DSN1: variants seen among roughly 807,000 people sequenced by gnomAD.
DSN1 encodes the protein kinetochore-associated protein DSN1 homolog.
Under a neutral mutation model 45.7 loss-of-function variants are expected in DSN1, and 31 were observed. The ratio of observed to expected loss-of-function variants is 0.68; its 90% CI spans 0.51 to 0.92. The LOEUF is 0.92. DSN1 is among the 40% of genes least tolerant of loss of function. The pLI, the probability that DSN1 is intolerant of heterozygous loss-of-function variation, is 0.00. For synonymous variants in DSN1, 134 were observed against 142.3 expected, an observed-to-expected ratio of 0.94 and a Z score of 0.41; for missense variants, 394 against 414.2, an observed-to-expected ratio of 0.95 and a Z score of 0.42.
At position 36,758,419 on chromosome 20, in the gene DSN1, T is replaced by C. The variant is rs1568690057; in HGVS notation, c.650+139A>G. The C allele has an allele frequency of 3.6e-5, 27 of 745,590 alleles. No individual in the cohort carries two copies. The East Asian group carries it at 6.5e-4, about 18-fold the overall frequency. The allele number at this position is 745,590 out of a possible 1,614,324, so 46.2% of individuals were successfully genotyped here. On this transcript the variant is annotated intron_variant, in intron 7 of 10. Transcript: ENST00000373750. ...TTAGTAGAGTCCATAAAAATCTCAA[T>C]ATGCAGCCTTCTAACTTCTAGTATT...
intron 5 of DSN1, among the ~76,000 whole-genome samples, chr20:36,764,492 C>T (rs927964024): frequency 1.3e-5 from 2 of 152,112 alleles, no homozygotes; most frequent in African/African-American, 4.8e-5. Context: ...TGTATATTTA[C>T]ACTATTAGCA....
At chr20:36,756,920 C>G (rs999510055) in intron 8 of DSN1, among the ~76,000 whole-genome samples, 2 of 152,144 alleles carry the variant, frequency 1.3e-5, no homozygotes, top group African/African-American at 4.8e-5. Flanking sequence ...TTTTTCAAAC[C>G]ATGCTCCTCA....
intron 6 of DSN1, among the ~76,000 whole-genome samples, chr20:36,758,925 G>A (rs1986822034): frequency 6.6e-6 from 1 of 151,580 alleles, no homozygotes; most frequent in South Asian, 2.1e-4. Context: ...GACCTCAGGT[G>A]ATCCGCCCGC....
chr20:36,769,509 A>G (rs537394417), intron 3 of DSN1, among the ~76,000 whole-genome samples: 1 of 152,324 alleles, frequency 6.6e-6, no homozygotes, highest in Admixed American at 6.5e-5. Context: ...TAGGGACTAA[A>G]GTACATGGGC....
Position 36,754,807 on chromosome 20 carries a change from A to C in DSN1, c.917T>G (p.Met306Arg). The C allele has an allele frequency of 6.2e-7, 1 of 1,613,944 alleles. No homozygotes were observed. Among genetic ancestry groups the C allele is most frequent in the South Asian group, 1.1e-5 (1 of 91,076 alleles). The change falls in exon 10 of 11, where the codon ATG becomes AGG. Residue 306 changes from methionine to arginine, a missense_variant. Coordinates refer to ENST00000373750, the MANE Select transcript of DSN1 (RefSeq NM_001145315.2). ...CTGGAAGCACTGGGTACTTTCATCC[A>C]TAAAGGCCTGCAGCTGTTTCACTGA... ...QGSVKQLQAFMDESTQCFQKV... is the reference protein window; with the variant it reads ...QGSVKQLQAFRDESTQCFQKV...
Position 36,768,923 on chromosome 20 carries a change from T to C in DSN1, c.356-881A>G, listed in dbSNP as rs1391717412. ...CTGCCTCTCTATAATGACCTCATAA[T>C]AGCATTAATAACTAACATTTGTTGA... On this transcript the variant is annotated intron_variant, in intron 3 of 10. Transcript: ENST00000373750. Among the ~76,000 whole-genome samples the C allele has an allele frequency of 3.3e-5, 5 of 152,222 alleles. No individual in the cohort carries two copies. In the East Asian group the frequency reaches 9.6e-4, roughly 29 times the overall value.
intron 5 of DSN1, among the ~76,000 whole-genome samples, chr20:36,766,333 C>T (rs184664433): frequency 6.6e-6 from 1 of 151,974 alleles, no homozygotes; most frequent in East Asian, 1.9e-4. Context: ...TTTCCACTTT[C>T]ACACTTCCTT....
Position 36,754,006 on chromosome 20 carries a change from C to CA in DSN1, c.961+756dup, listed in dbSNP as rs1004399383. On this transcript the variant is annotated intron_variant, in intron 10 of 10. Coordinates refer to ENST00000373750, the MANE Select transcript of DSN1 (RefSeq NM_001145315.2). The stretch of plus-strand genomic sequence containing the variant: ...GGGCAACAAGAGTGAAACTCCGTCT[C>CA]AAAAAAAAAAACAAACAAAAAAACC... Among the ~76,000 whole-genome samples the CA allele has an allele frequency of 5.1e-3, 696 of 136,252 alleles. 2 individuals carry two copies. The highest frequency in any genetic ancestry group is 0.014 in the African/African-American group (537 of 37,146). 89.4% of individuals were successfully genotyped at this position (136,252 alleles called of 152,430 possible).
chr20:36,763,577 C>T (rs1337463030), intron 5 of DSN1, among the ~76,000 whole-genome samples: 2 of 151,508 alleles, frequency 1.3e-5, no homozygotes, highest in African/African-American at 4.8e-5. Flanking sequence ...TAGTGAAACC[C>T]CATCTCTTTA....
rs777524503 is a variant in DSN1 at position 36,767,973 on chromosome 20, A to G, written c.425T>C (p.Phe142Ser). Reference protein sequence around the residue: ...KRLGCLLLSSFQFSIQKLEPF... With the variant: ...KRLGCLLLSSSQFSIQKLEPF... ...TCCTAGTTATAAGAACCTTACCTGGAAACTGGAAAGCAGGAGACAGCCAAG... is the reference window on the plus strand; with the variant it reads ...TCCTAGTTATAAGAACCTTACCTGGGAACTGGAAAGCAGGAGACAGCCAAG... The change falls in exon 4 of 11, where the codon TTC becomes TCC. Residue 142 changes from phenylalanine to serine, a missense_variant. By Grantham distance (155) the Phe-to-Ser change is radical (BLOSUM62 -2). Coordinates refer to ENST00000373750, the MANE Select transcript of DSN1 (RefSeq NM_001145315.2). 6.2e-7 allele frequency: 1 copy of G among 1,614,080 alleles called. No individual in the cohort carries two copies. The highest frequency in any genetic ancestry group is 1.7e-5 in the Admixed American group (1 of 60,004).
Position 36,773,395 on chromosome 20 carries a change from CCT to C in DSN1, c.-16+265_-16+266del, listed in dbSNP as rs570245132. 341 of 985,548 alleles carry C rather than the reference CCT, an allele frequency of 3.5e-4. No individual in the cohort carries two copies. The African/African-American group carries it at 4.6e-3, about 13-fold the overall frequency. 61.1% of individuals were successfully genotyped at this position (985,548 alleles called of 1,614,324 possible). ...CCCAGCCCTCTACCCAGTCCTCACCCCTGTTTCTGGAGCCTAGACCCCTGGCA... is the reference window on the plus strand; with the variant it reads ...CCCAGCCCTCTACCCAGTCCTCACCCGTTTCTGGAGCCTAGACCCCTGGCA... On this transcript the variant is annotated intron_variant, in intron 1 of 10. Coordinates refer to ENST00000373750, the MANE Select transcript of DSN1 (RefSeq NM_001145315.2).
chr20:36,772,019 T>G (rs1987675462), intron 1 of DSN1, among the ~76,000 whole-genome samples: 1 of 152,160 alleles, frequency 6.6e-6, no homozygotes, highest in African/African-American at 2.4e-5. Context: ...TAGCTGGGAT[T>G]ACAGGAATGC....
chr20:36,772,105 T>G (rs978169167), intron 1 of DSN1, among the ~76,000 whole-genome samples: 3 of 151,810 alleles, frequency 2.0e-5, no homozygotes, highest in Non-Finnish European at 4.4e-5. Context: ...GGTCTCAAAC[T>G]CCTGGCCTCA....
In DSN1 at chr20:36,762,506, A is replaced by G. The variant is rs1457367744; in HGVS notation, c.545T>C (p.Leu182Pro). 3.1e-6 allele frequency: 5 copies of G among 1,613,944 alleles called. No homozygotes were observed. In the Admixed American group the frequency reaches 5.0e-5, roughly 16 times the overall value. The change falls in exon 6 of 11, where the codon CTG becomes CCG. Residue 182 changes from leucine (L) to proline (P), a missense_variant. By Grantham distance (98) the Leu-to-Pro change is moderately conservative (BLOSUM62 -3). Transcript: ENST00000373750. ...SEELKHFADG[L>P]ETDGTLQKCF... is the part of the protein sequence containing the mutation. ...TTTTTGTAGAGTTCCATCAGTTTCCAGTCCGTCTGCAAAATGTTTCAATTC... is the reference window on the plus strand; with the variant it reads ...TTTTTGTAGAGTTCCATCAGTTTCCGGTCCGTCTGCAAAATGTTTCAATTC...
At chr20:36,756,139 C>T (rs1222857740) in intron 8 of DSN1, among the ~76,000 whole-genome samples, 1 of 152,044 alleles carries the variant, frequency 6.6e-6, no homozygotes, top group African/African-American at 2.4e-5. Context: ...TGCCACCATG[C>T]CCAGCTAATT....
rs771144324 is a variant in DSN1 at position 36,754,843 on chromosome 20, T to C, written c.881A>G (p.Glu294Gly). 4 of 1,613,798 alleles carry C rather than the reference T, an allele frequency of 2.5e-6. No individual in the cohort carries two copies. The highest frequency in any genetic ancestry group is 2.5e-6 in the Non-Finnish European group (3 of 1,179,792). Reference protein sequence around the residue: ...VFDCMELVMDELQGSVKQLQA... With the variant: ...VFDCMELVMDGLQGSVKQLQA... The stretch of plus-strand genomic sequence containing the variant: ...CAGCTGTTTCACTGATCCTTGCAGT[T>C]CATCCATCTGTAGAAAAAAGACAGC... Residue 294 changes from glutamate to glycine, a missense_variant, in exon 10 of 11, where the codon GAA becomes GGA. By Grantham distance (98) the Glu-to-Gly change is moderately conservative. Transcript: ENST00000373750.
In DSN1 at chr20:36,752,675, T is replaced by C; in HGVS notation, c.*113A>G. On this transcript the variant is annotated 3_prime_UTR_variant, in exon 11 of 11. Transcript: ENST00000373750. Reference sequence around the variant, plus strand: ...AAAAGTCAAAGTGTTCTACAGTCAGTCCTGCCAGTTATCTTCAAAGGCAAC... The same window carrying C: ...AAAAGTCAAAGTGTTCTACAGTCAGCCCTGCCAGTTATCTTCAAAGGCAAC... The C allele has an allele frequency of 1.2e-6, 1 of 814,908 alleles. No homozygotes were observed. Among genetic ancestry groups the C allele is most frequent in the South Asian group, 1.5e-5 (1 of 64,614 alleles). 50.5% of individuals were successfully genotyped at this position (814,908 alleles called of 1,614,324 possible).
rs1986799010 is a variant in DSN1, at chr20:36,758,569, T to C, written c.639A>G (p.Glu213=). ...AAAGGTTAACTTACTTTGTTATGTATTCCTTCATCTCAGCCACAGATGCTT... is the reference window on the plus strand; with the variant it reads ...AAAGGTTAACTTACTTTGTTATGTACTCCTTCATCTCAGCCACAGATGCTT... ...SLEASVAEMK[E]YITKFSLERQ... Residue 213 remains glutamate, a synonymous_variant, in exon 7 of 11, where the codon GAA becomes GAG. Transcript: ENST00000373750. 3.7e-6 allele frequency: 6 copies of C among 1,611,158 alleles called. No individual in the cohort carries two copies. In the African/African-American group the frequency reaches 5.3e-5, roughly 14 times the overall value.
chr20:36,753,604 C>T (rs1986495738), intron 10 of DSN1, among the ~76,000 whole-genome samples: 1 of 145,356 alleles, frequency 6.9e-6, no homozygotes, highest in South Asian at 2.2e-4. Context: ...TGCCACTGCA[C>T]TCTAGCCTGG....
Sources: gnomAD v4.1 joint callset for allele counts (sites outside exome capture counted in the v4.1 genomes callset) on GRCh38, gnomAD v4.1.1 for gene constraint, MANE v1.5 for transcripts, NCBI Gene and HGNC (gene_info 2026-07-23, HGNC 2026-07-21) for gene names.